The following NRXN3 variants were observed in gnomAD, a reference collection of about 807,000 sequenced individuals.
NRXN3 encodes the protein neurexin III.
A neutral mutation model predicts 137.6 loss-of-function variants in NRXN3; 32 were observed. That is an observed-to-expected ratio of 0.23 (90% CI 0.18 to 0.31). The LOEUF (loss-of-function observed/expected upper bound fraction) is 0.31, where lower values mean the gene tolerates loss of function less well. Among genes scored for constraint, NRXN3 ranks in the 10% least tolerant of loss-of-function variants. NRXN3 has a pLI of 1.00. For missense variants in NRXN3, 1,574 were observed against 2,062.5 expected, an observed-to-expected ratio of 0.76 and a Z score of 4.59; for synonymous variants, 798 against 784.5, an observed-to-expected ratio of 1.02 and a Z score of -0.29.
intron 10 of NRXN3, among the ~76,000 whole-genome samples, chr14:78,821,116 T>C (rs963370995): frequency 2.0e-5 from 3 of 152,162 alleles, no homozygotes; most frequent in African/African-American, 7.2e-5. Context: ...ACTTTGTTTT[T>C]AAAGGATTAA....
chr14:79,565,232 T>TAC (rs2097535688), intron 16 of NRXN3, among the ~76,000 whole-genome samples: 2 of 134,876 alleles, frequency 1.5e-5, no homozygotes, highest in Non-Finnish European at 3.2e-5. Flanking sequence ...TGTGTATATA[T>TAC]ACATATATGT....
At chr14:78,630,919 A>G (rs928481745) in intron 4 of NRXN3, among the ~76,000 whole-genome samples, 11 of 152,204 alleles carry the variant, frequency 7.2e-5, no homozygotes, top group African/African-American at 1.9e-4. Context: ...TTCTAAATGT[A>G]TTATAGATTG....
intron 15 of NRXN3, among the ~76,000 whole-genome samples, chr14:79,123,213 G>T (rs938949023): frequency 2.0e-5 from 3 of 151,916 alleles, no homozygotes; most frequent in Admixed American, 2.0e-4. Flanking sequence ...ATGGCTGTGT[G>T]TGCGTGTGTG....
At chr14:78,976,686 A>T (rs31430) in intron 14 of NRXN3, among the ~76,000 whole-genome samples, 7,621 of 152,234 alleles carry the variant, frequency 0.05, 604 homozygotes, top group African/African-American at 0.17. Context: ...AATAAGAGAG[A>T]CATAAATTGC....
At position 79,467,147 on chromosome 14, in the gene NRXN3, G is replaced by C; in HGVS notation, c.3263-74G>C. 2.1e-6 allele frequency: 3 copies of C among 1,423,724 alleles called. No homozygotes were observed. The South Asian group carries it at 4.0e-5, about 19-fold the overall frequency. The allele number at this position is 1,423,724 out of a possible 1,614,324, so 88.2% of individuals were successfully genotyped here. A position where few individuals can be genotyped will look rare whatever the true frequency, so the allele number is the denominator to read the frequency against. ...CCTCTCTGCAGCTGTTCTGTGTAGGGTCTCAACAGTGTGCTACAGCTGGCT... is the reference window on the plus strand; with the variant it reads ...CCTCTCTGCAGCTGTTCTGTGTAGGCTCTCAACAGTGTGCTACAGCTGGCT... On this transcript the variant is annotated intron_variant, in intron 15 of 20. Coordinates refer to ENST00000335750, the MANE Select transcript of NRXN3 (RefSeq NM_001330195.2).
chr14:79,745,444 C>T lies in NRXN3; in HGVS notation c.4014+47507C>T, dbSNP rs188014424. Among the ~76,000 whole-genome samples the T allele has an allele frequency of 2.6e-5, 4 of 152,064 alleles. No homozygotes were observed. In the East Asian group the frequency reaches 7.7e-4, roughly 29 times the overall value. On this transcript the variant is annotated intron_variant, in intron 19 of 20. Transcript: ENST00000335750. ...TTAAATCATATGTTCATTTCTAAAC[C>T]AATAAGAGAAAAAGAAGTATCGTGG... is the stretch of plus-strand genomic sequence containing the variant.
intron 4 of NRXN3, among the ~76,000 whole-genome samples, chr14:78,592,522 A>G (rs1336554142): frequency 6.6e-6 from 1 of 152,178 alleles, no homozygotes; most frequent in Non-Finnish European, 1.5e-5. Context: ...TGTAGTAAGG[A>G]AAAACATGTC....
At chr14:78,690,535 C>G (rs2098162454) in intron 6 of NRXN3, among the ~76,000 whole-genome samples, 1 of 152,154 alleles carries the variant, frequency 6.6e-6, no homozygotes, top group Non-Finnish European at 1.5e-5. Context: ...GAGACCATGT[C>G]CTAACATTCA....
chr14:78,723,158 T>C (rs769365244), intron 8 of NRXN3, among the ~76,000 whole-genome samples: 4 of 152,140 alleles, frequency 2.6e-5, no homozygotes, highest in Non-Finnish European at 5.9e-5. Context: ...ATACCACGTT[T>C]AACAATGGGA....
intron 16 of NRXN3, among the ~76,000 whole-genome samples, chr14:79,629,100 G>A (rs1224064884): frequency 1.3e-5 from 2 of 152,142 alleles, no homozygotes; most frequent in Non-Finnish European, 2.9e-5. Context: ...AGCATTTAAA[G>A]GTGATGATTA....
chr14:79,725,847 A>G (rs962440484), intron 19 of NRXN3, among the ~76,000 whole-genome samples: 1 of 152,108 alleles, frequency 6.6e-6, no homozygotes, highest in Non-Finnish European at 1.5e-5. Flanking sequence ...CTGGAAGGGG[A>G]AAAATGACAG....
intron 4 of NRXN3, among the ~76,000 whole-genome samples, chr14:78,616,918 T>A (rs2097352482): frequency 6.6e-6 from 1 of 152,254 alleles, no homozygotes; most frequent in Admixed American, 6.5e-5. Flanking sequence ...GAGTTCTCCA[T>A]GTGTTTGTAA....
At chr14:79,496,271 A>G (rs377049614) in intron 16 of NRXN3, among the ~76,000 whole-genome samples, 59 of 151,126 alleles carry the variant, frequency 3.9e-4, no homozygotes, top group African/African-American at 1.3e-3. Flanking sequence ...ACACACACAC[A>G]CACACGACAA....
intron 14 of NRXN3, among the ~76,000 whole-genome samples, chr14:78,973,525 C>T (rs538312371): frequency 5.3e-5 from 8 of 152,126 alleles, no homozygotes; most frequent in Non-Finnish European, 8.8e-5. Flanking sequence ...TGGTTGAGCA[C>T]TTTAATTTCC....
At chr14:79,344,341 A>AGCCTCT in intron 15 of NRXN3, among the ~76,000 whole-genome samples, 1 of 152,220 alleles carries the variant, frequency 6.6e-6, no homozygotes, top group African/African-American at 2.4e-5. Flanking sequence ...CTCTCCAATT[A>AGCCTCT]GCCTCTGCCT....
chr14:78,383,988 G>T (rs989620599), intron 4 of NRXN3, among the ~76,000 whole-genome samples: 1 of 152,184 alleles, frequency 6.6e-6, no homozygotes, highest in Non-Finnish European at 1.5e-5. Flanking sequence ...GTGGCACAGA[G>T]AAAAGAGGAG....
chr14:79,683,916 C>A (rs958965626), intron 17 of NRXN3, among the ~76,000 whole-genome samples: 2 of 152,182 alleles, frequency 1.3e-5, no homozygotes, highest in Admixed American at 6.5e-5. Context: ...ACTGTTCCTT[C>A]TACCGTGTTT....
At chr14:79,702,817 G>T (rs1019357256) in intron 19 of NRXN3, among the ~76,000 whole-genome samples, 1 of 151,620 alleles carries the variant, frequency 6.6e-6, no homozygotes, top group Non-Finnish European at 1.5e-5. Flanking sequence ...TTCTAAAATA[G>T]AAAAGTTCAA....
chr14:79,285,787 A>C (rs1371278211), intron 15 of NRXN3, among the ~76,000 whole-genome samples: 1 of 152,138 alleles, frequency 6.6e-6, no homozygotes, highest in East Asian at 1.9e-4. Context: ...CCAGGAATAA[A>C]GCTTTGACAT....
Sources: gnomAD v4.1 joint callset for allele counts (sites outside exome capture counted in the v4.1 genomes callset) on GRCh38, gnomAD v4.1.1 for gene constraint, MANE v1.5 for transcripts, NCBI Gene and HGNC (gene_info 2026-07-23, HGNC 2026-07-21) for gene names.